The following NOS2 variants were observed in gnomAD, a reference collection of about 807,000 sequenced individuals.
The protein encoded by NOS2 is nitric oxide synthase 2.
NOS2 carries 96 observed loss-of-function variants against 136.0 expected under a neutral mutation model. The observed-to-expected ratio is 0.71, with a 90% confidence interval of 0.60 to 0.84. The LOEUF (loss-of-function observed/expected upper bound fraction) is 0.84, where lower values mean the gene tolerates loss of function less well. Among genes scored for constraint, NOS2 ranks in the 40% least tolerant of loss-of-function variants. The pLI, the probability that NOS2 is intolerant of heterozygous loss-of-function variation, is 0.00. For synonymous variants in NOS2, 539 were observed against 587.5 expected (o/e 0.92, Z 1.20); for missense variants, 1,237 against 1,496.9 (o/e 0.83, Z 2.87).
chr17:27,794,536 A>G (rs1909291708), intron 2 of NOS2, among the ~76,000 whole-genome samples: 1 of 152,238 alleles, frequency 6.6e-6, no homozygotes, highest in South Asian at 2.1e-4. Context: ...ATGCAAGCAC[A>G]TTAAATCCCG....
At chr17:27,765,805 C>T in intron 19 of NOS2, 89 bp from the exon 20 acceptor site, 2 of 1,347,488 alleles carry the variant, frequency 1.5e-6, no homozygotes, top group Non-Finnish European at 2.0e-6. Flanking sequence ...AGGAAATGTG[C>T]CCTCCTTTCA....
intron 11 of NOS2, among the ~76,000 whole-genome samples, chr17:27,775,117 G>A (rs1908619619): frequency 6.6e-6 from 1 of 152,216 alleles, no homozygotes; most frequent in African/African-American, 2.4e-5. Flanking sequence ...ATGTGACCTT[G>A]AGCAATTAGT....
Position 27,788,913 on chromosome 17 carries a change from C to T in NOS2, c.214G>A (p.Val72Ile). 2 of 1,614,062 alleles carry T rather than the reference C, an allele frequency of 1.2e-6. No homozygotes were observed. Among genetic ancestry groups the T allele is most frequent in the Non-Finnish European group, 1.7e-6 (2 of 1,179,964 alleles). The stretch of plus-strand genomic sequence containing the variant: ...GACAATGGGGTTGCATCCAGCTTGA[C>T]CAGAGATTCTGGAGACTTCTGCAAG... ...ETGKKSPESL[V>I]KLDATPLSSP... Residue 72 changes from valine to isoleucine, a missense_variant, in exon 4 of 27, where the codon GTC (valine) becomes ATC (isoleucine). Val to Ile is a conservative substitution (Grantham distance 29). This residue lies in a region of NOS2 where 440 missense variants were observed against 545.4 expected (regional missense o/e 0.81). Transcript: ENST00000313735.
At chr17:27,771,117 G>A (rs1908482120) in intron 14 of NOS2, 100 bp from the exon 15 acceptor site, 1 of 810,350 alleles carries the variant, frequency 1.2e-6, no homozygotes, top group Non-Finnish European at 2.0e-6. Flanking sequence ...CCCCCAGGCT[G>A]CGGCTCCTGT....
rs1228009258 is a variant in NOS2, at chr17:27,763,990, G to A, written c.2583C>T (p.Ala861=). 14 of 1,612,682 alleles carry A rather than the reference G, an allele frequency of 8.7e-6. No individual in the cohort carries two copies. In the Admixed American group the frequency reaches 1.5e-4, roughly 17 times the overall value. Residue 861 remains alanine, a synonymous_variant, in exon 21 of 27, where the codon GCC becomes GCT. Transcript: ENST00000313735. ...TEEPERQRLE[A]LCQPSEYSKW... is the part of the protein sequence containing the mutation. The stretch of plus-strand genomic sequence containing the variant: ...CAGCCCTGATCTTCACCTGGCACAG[G>A]GCCTCCAGCCTCTGTCTCTCAGGCT...
chr17:27,775,261 A>G (rs549661967), intron 11 of NOS2, among the ~76,000 whole-genome samples: 1 of 152,114 alleles, frequency 6.6e-6, no homozygotes, highest in South Asian at 2.1e-4. Context: ...GGAGTTTGAA[A>G]TCAGCCTAGG....
chr17:27,796,396 A>G (rs960724428), intron 2 of NOS2, among the ~76,000 whole-genome samples: 5 of 152,188 alleles, frequency 3.3e-5, no homozygotes, highest in African/African-American at 4.8e-5. Flanking sequence ...GTTGCAGTGC[A>G]GTGAGCTGAA....
At chr17:27,768,692 T>C (rs1194232936) in intron 17 of NOS2, among the ~76,000 whole-genome samples, 1 of 152,188 alleles carries the variant, frequency 6.6e-6, no homozygotes, top group Admixed American at 6.5e-5. Context: ...ACCTAGGTAG[T>C]CACTGGAGGA....
At chr17:27,769,842 A>C (rs972307260) in intron 15 of NOS2, among the ~76,000 whole-genome samples, 6 of 152,126 alleles carry the variant, frequency 3.9e-5, no homozygotes, top group African/African-American at 1.4e-4. Context: ...CTGGGCCCCC[A>C]CCCATCCAGC....
In NOS2 at chr17:27,788,841, A is replaced by G. The variant is rs1298831432; in HGVS notation, c.286T>C (p.Phe96Leu). 1.2e-6 allele frequency: 2 copies of G among 1,614,148 alleles called. No individual in the cohort carries two copies. Among genetic ancestry groups the G allele is most frequent in the South Asian group, 2.2e-5 (2 of 91,064 alleles). ...RIKNWGSGMTFQDTLHHKAKG... is the reference protein window; with the variant it reads ...RIKNWGSGMTLQDTLHHKAKG... The stretch of plus-strand genomic sequence containing the variant: ...GCCTTATGGTGAAGTGTGTCTTGGA[A>G]AGTCATCCCGCTGCCCCAGTTTTTG... The change falls in exon 4 of 27, where the codon TTC (phenylalanine) becomes CTC (leucine). Residue 96 changes from phenylalanine (F) to leucine (L), a missense_variant. By Grantham distance (22) the Phe-to-Leu change is conservative (BLOSUM62 0). Transcript: ENST00000313735.
Position 27,766,560 on chromosome 17 carries a change from C to T in NOS2, c.2196G>A (p.Val732=), listed in dbSNP as rs199553039. 55 of 1,614,116 alleles carry T rather than the reference C, an allele frequency of 3.4e-5. No individual in the cohort carries two copies. The highest frequency in any genetic ancestry group is 4.6e-5 in the Non-Finnish European group (54 of 1,180,002). The change falls in exon 19 of 27, where the codon GTG becomes GTA. Residue 732 remains valine (V), a synonymous_variant. Coordinates refer to ENST00000313735, the MANE Select transcript of NOS2 (RefSeq NM_000625.4). ...KALSSMHAKN[V]FTMRLKSRQN... ...GCCGAGATTTGAGCCTCATGGTGAA[C>T]ACGTTCTTGGCATGCATGCTGCTGA...
At chr17:27,768,489 C>G (rs1052015689) in intron 17 of NOS2, among the ~76,000 whole-genome samples, 31 of 152,318 alleles carry the variant, frequency 2.0e-4, no homozygotes, top group Middle Eastern at 3.4e-3. Flanking sequence ...CCGATGCAAG[C>G]TGATGCTCCT....
chr17:27,772,493 C>A, intron 13 of NOS2, 41 bp from the exon 14 acceptor site: 1 of 1,606,774 alleles, frequency 6.2e-7, no homozygotes, highest in South Asian at 1.1e-5. Flanking sequence ...TGTGCTGAGT[C>A]AGCCTTCCAG....
chr17:27,765,221 C>T (rs1908257804), intron 20 of NOS2, among the ~76,000 whole-genome samples: 1 of 152,222 alleles, frequency 6.6e-6, no homozygotes, highest in Non-Finnish European at 1.5e-5. Context: ...CTCCTGACCT[C>T]AAGTGATCCA....
intron 2 of NOS2, among the ~76,000 whole-genome samples, chr17:27,791,769 G>GAAAA (rs869055216): frequency 9.9e-5 from 11 of 110,990 alleles, no homozygotes; most frequent in African/African-American, 3.4e-4. Flanking sequence ...TGGCCTGCCA[G>GAAAA]AAAAAAACAA....
Position 27,762,900 on chromosome 17 carries a change from G to A in NOS2, c.2698C>T (p.Leu900Phe). 6.2e-7 allele frequency: 1 copy of A among 1,600,704 alleles called. No individual in the cohort carries two copies. Among genetic ancestry groups the A allele is most frequent in the Non-Finnish European group, 8.5e-7 (1 of 1,174,540 alleles). ...RVSAGFLLSQ[L>F]PILKPRFYSI... ...TAGAACCTGGGCTTCAGAATGGGGA[G>A]CTGGGAAAGCAGGAAGCCAGCAGAC... Residue 900 changes from leucine to phenylalanine, a missense_variant, in exon 22 of 27, where the codon CTC (leucine) becomes TTC (phenylalanine). Physicochemically the swap from Leu to Phe is conservative, Grantham distance 22. Transcript: ENST00000313735.
chr17:27,796,278 C>T (rs375407616), intron 2 of NOS2, among the ~76,000 whole-genome samples: 1 of 151,906 alleles, frequency 6.6e-6, no homozygotes, highest in Non-Finnish European at 1.5e-5. Context: ...GGTGAAACAC[C>T]GTCTCTACTA....
intron 13 of NOS2, among the ~76,000 whole-genome samples, chr17:27,772,867 C>T (rs1597549566): frequency 6.6e-6 from 1 of 152,034 alleles, no homozygotes; most frequent in Non-Finnish European, 1.5e-5. Flanking sequence ...GACCCCGTCT[C>T]TACAAAAAAA....
intron 15 of NOS2, 131 bp downstream of exon 15, chr17:27,770,782 G>A: frequency 1.6e-6 from 1 of 606,108 alleles, no homozygotes; most frequent in South Asian, 2.1e-5. Context: ...CAAATGACCT[G>A]AGTGACCCGG....
Sources: allele counts gnomAD v4.1 joint callset (sites outside exome capture counted in the v4.1 genomes callset), GRCh38; gene constraint gnomAD v4.1.1; regional missense constraint gnomAD v4.1.1; transcripts MANE v1.5; gene names NCBI Gene and HGNC (gene_info 2026-07-23, HGNC 2026-07-21).